TSPAN14: variants seen among roughly 807,000 people sequenced by gnomAD.
The protein encoded by TSPAN14 is tetraspanin 14, also known as tetraspanin-14.
A neutral mutation model predicts 36.6 loss-of-function variants in TSPAN14; 16 were observed. The observed-to-expected ratio is 0.44, with a 90% CI of 0.30 to 0.66. TSPAN14 has a LOEUF of 0.66. TSPAN14 is among the 30% of genes least tolerant of loss of function. TSPAN14 has a pLI of 0.12. For missense variants in TSPAN14, 231 were observed against 355.1 expected (o/e 0.65, Z 2.81); for synonymous variants, 139 against 143.8 (o/e 0.97, Z 0.24).
At chr10:80,513,107 C>T (rs539135610) in intron 6 of TSPAN14, among the ~76,000 whole-genome samples, 6 of 152,064 alleles carry the variant, frequency 3.9e-5, no homozygotes, top group Non-Finnish European at 5.9e-5. Context: ...CATGTTGCCC[C>T]GGCTGGTCTT....
intron 2 of TSPAN14, among the ~76,000 whole-genome samples, chr10:80,490,268 C>T (rs746888198): frequency 3.3e-5 from 5 of 152,014 alleles, no homozygotes; most frequent in Non-Finnish European, 7.4e-5. Flanking sequence ...TTTCCTTTGT[C>T]GTTGACTGTC....
At chr10:80,482,125 A>G (rs1201699708) in intron 1 of TSPAN14, among the ~76,000 whole-genome samples, 1 of 152,206 alleles carries the variant, frequency 6.6e-6, no homozygotes, top group Non-Finnish European at 1.5e-5. Flanking sequence ...AGTGTCACCT[A>G]GAAAGGGAAA....
chr10:80,514,124 C>T, intron 7 of TSPAN14, 61 bp downstream of exon 7: 2 of 1,486,872 alleles, frequency 1.3e-6, no homozygotes, highest in South Asian at 2.3e-5. Flanking sequence ...TGTGGTTCAA[C>T]ATTCTGATTT....
At chr10:80,467,126 T>C (rs956919777) in intron 1 of TSPAN14, among the ~76,000 whole-genome samples, 1 of 152,154 alleles carries the variant, frequency 6.6e-6, no homozygotes, top group African/African-American at 2.4e-5. Flanking sequence ...ACAAAGAGTC[T>C]TGTTTCTTAG....
At chr10:80,475,585 C>T (rs1846822429) in intron 1 of TSPAN14, among the ~76,000 whole-genome samples, 1 of 152,048 alleles carries the variant, frequency 6.6e-6, no homozygotes, top group Non-Finnish European at 1.5e-5. Context: ...GCCCCCTTTC[C>T]CCATCCTTTT....
chr10:80,506,716 T>C (rs754069440), intron 3 of TSPAN14, among the ~76,000 whole-genome samples: 38 of 152,312 alleles, frequency 2.5e-4, no homozygotes, highest in Non-Finnish European at 3.7e-4. Context: ...ACAGTGGGGG[T>C]ATAGTCTAAA....
intron 1 of TSPAN14, among the ~76,000 whole-genome samples, chr10:80,480,791 G>T (rs986939608): frequency 3.3e-5 from 5 of 151,760 alleles, no homozygotes; most frequent in African/African-American, 4.8e-5. Flanking sequence ...GCGGTGGGGG[G>T]AGGAGGGAGG....
chr10:80,479,731 C>T (rs991400657), intron 1 of TSPAN14, among the ~76,000 whole-genome samples: 1 of 151,758 alleles, frequency 6.6e-6, no homozygotes, highest in Non-Finnish European at 1.5e-5. Flanking sequence ...TAGCGTGATG[C>T]CTCCAGCTTT....
intron 2 of TSPAN14, among the ~76,000 whole-genome samples, chr10:80,490,332 A>G (rs1000183987): frequency 6.6e-6 from 1 of 152,180 alleles, no homozygotes; most frequent in African/African-American, 2.4e-5. Flanking sequence ...GGACCAGATG[A>G]GAGCATGGAA....
At chr10:80,513,560 C>T (rs1840770871) in intron 6 of TSPAN14, among the ~76,000 whole-genome samples, 1 of 152,180 alleles carries the variant, frequency 6.6e-6, no homozygotes, top group Non-Finnish European at 1.5e-5. Context: ...GTCTTACCTC[C>T]TAGCAAACTG....
chr10:80,506,574 A>G (rs1004146285), intron 3 of TSPAN14, among the ~76,000 whole-genome samples: 2 of 152,230 alleles, frequency 1.3e-5, no homozygotes, highest in Non-Finnish European at 2.9e-5. Context: ...TTGGCGTTTT[A>G]CAAACCCTAT....
chr10:80,515,322 T>G (rs1051054826), intron 7 of TSPAN14: 1 of 152,342 alleles, frequency 6.6e-6, no homozygotes, highest in African/African-American at 2.4e-5. Context: ...GTTCCAGGCC[T>G]CTCTCCTGGC....
intron 1 of TSPAN14, among the ~76,000 whole-genome samples, chr10:80,457,733 C>T (rs1000347922): frequency 6.6e-6 from 1 of 152,200 alleles, no homozygotes; most frequent in African/African-American, 2.4e-5. Context: ...ATGGGAAGAC[C>T]AGCACTACCA....
At chr10:80,520,348 G>C in exon 9 of TSPAN14, 1 of 360,342 alleles carries the variant, frequency 2.8e-6, no homozygotes, top group South Asian at 2.2e-5. Context: ...ATAGTTGGAT[G>C]AGGAATGGAA....
At chr10:80,491,808 A>G (rs1400620729) in intron 2 of TSPAN14, among the ~76,000 whole-genome samples, 1 of 152,204 alleles carries the variant, frequency 6.6e-6, no homozygotes. Flanking sequence ...AACAGGAAGG[A>G]ACAAACAGGA....
At chr10:80,463,908 C>G (rs558674683) in intron 1 of TSPAN14, among the ~76,000 whole-genome samples, 1 of 152,350 alleles carries the variant, frequency 6.6e-6, no homozygotes, top group East Asian at 1.9e-4. Flanking sequence ...GTGTTGGTTC[C>G]CACCCAAGTC....
chr10:80,510,384 A>G (rs1231890010), intron 5 of TSPAN14, among the ~76,000 whole-genome samples: 1 of 152,126 alleles, frequency 6.6e-6, no homozygotes, highest in African/African-American at 2.4e-5. Context: ...TGTTATTACT[A>G]ATGTGTATTA....
intron 1 of TSPAN14, among the ~76,000 whole-genome samples, chr10:80,475,010 G>C (rs1412164131): frequency 3.9e-5 from 6 of 152,198 alleles, no homozygotes; most frequent in Admixed American, 6.5e-5. Flanking sequence ...AACAGGGCCA[G>C]GCAGAATCGG....
At chr10:80,507,128 GA>G in intron 3 of TSPAN14, 99 bp from the exon 4 acceptor site, 1 of 1,471,282 alleles carries the variant, frequency 6.8e-7, no homozygotes, top group Admixed American at 1.9e-5. Context: ...TGAGCCTGGG[GA>G]AGCAAGTCCC....
Sources: allele counts gnomAD v4.1 joint callset (sites outside exome capture counted in the v4.1 genomes callset), GRCh38; gene constraint gnomAD v4.1.1; transcripts MANE v1.5; gene names NCBI Gene and HGNC (gene_info 2026-07-23, HGNC 2026-07-21).